The following FSTL5 variants were observed in gnomAD, a reference collection of about 807,000 sequenced individuals.
FSTL5 encodes the protein follistatin like 5.
FSTL5 carries 62 observed loss-of-function variants against 89.1 expected under a neutral mutation model. The observed-to-expected ratio is 0.70, with a 90% CI of 0.57 to 0.86. The LOEUF is 0.86. Among genes scored for constraint, FSTL5 ranks in the 40% least tolerant of loss-of-function variants. The pLI is 0.00. For missense variants in FSTL5, 1,057 were observed against 1,001.6 expected, an observed-to-expected ratio of 1.06 and a Z score of -0.75; for synonymous variants, 383 against 346.2, an observed-to-expected ratio of 1.11 and a Z score of -1.18.
At chr4:161,595,037 G>A (rs1458507494) in intron 7 of FSTL5, among the ~76,000 whole-genome samples, 1 of 148,124 alleles carries the variant, frequency 6.8e-6, no homozygotes, top group Non-Finnish European at 1.5e-5. Context: ...ATAGACTGCA[G>A]AATTTAGCTG....
intron 6 of FSTL5, among the ~76,000 whole-genome samples, chr4:161,723,788 C>A (rs543397414): frequency 6.6e-6 from 1 of 151,880 alleles, no homozygotes; most frequent in Admixed American, 6.6e-5. Flanking sequence ...AATTGAAGAA[C>A]GAAACCTTAA....
At chr4:162,096,202 T>G (rs1730745657) in intron 2 of FSTL5, among the ~76,000 whole-genome samples, 1 of 151,872 alleles carries the variant, frequency 6.6e-6, no homozygotes, top group Non-Finnish European at 1.5e-5. Context: ...TAAATATATA[T>G]TTCTTTGTTG....
intron 6 of FSTL5, among the ~76,000 whole-genome samples, chr4:161,666,267 T>C (rs1736890057): frequency 6.6e-6 from 1 of 152,164 alleles, no homozygotes; most frequent in Non-Finnish European, 1.5e-5. Flanking sequence ...AAGTGCTTTA[T>C]GAATTAGTCT....
intron 3 of FSTL5, among the ~76,000 whole-genome samples, chr4:161,944,281 C>T (rs1734675699): frequency 1.3e-5 from 2 of 151,824 alleles, no homozygotes; most frequent in African/African-American, 2.4e-5. Flanking sequence ...ATGTGAACTC[C>T]CAATGGTCTT....
At chr4:161,936,230 T>C (rs1386487274) in intron 3 of FSTL5, among the ~76,000 whole-genome samples, 3 of 152,146 alleles carry the variant, frequency 2.0e-5, no homozygotes, top group Non-Finnish European at 1.5e-5. Context: ...AAGAAAGCAA[T>C]GAAAGTTCTT....
At chr4:162,071,778 A>G (rs1729635527) in intron 2 of FSTL5, among the ~76,000 whole-genome samples, 1 of 151,856 alleles carries the variant, frequency 6.6e-6, no homozygotes, top group Admixed American at 6.6e-5. Flanking sequence ...TAAAAGATCA[A>G]AATTATATCA....
intron 2 of FSTL5, among the ~76,000 whole-genome samples, chr4:162,089,582 G>A (rs532662892): frequency 8.5e-4 from 120 of 141,526 alleles, no homozygotes; most frequent in Non-Finnish European, 1.6e-3. Context: ...GCAGTGAGCC[G>A]AGATTAAGCC....
chr4:162,007,307 T>C (rs950014978), intron 3 of FSTL5, among the ~76,000 whole-genome samples: 2 of 151,830 alleles, frequency 1.3e-5, no homozygotes, highest in Non-Finnish European at 3.0e-5. Context: ...CAGCATTTAT[T>C]TAGGTAGATG....
chr4:161,423,501 T>C (rs1732058931), intron 15 of FSTL5, among the ~76,000 whole-genome samples: 1 of 152,194 alleles, frequency 6.6e-6, no homozygotes, highest in African/African-American at 2.4e-5. Context: ...CTCTGATAAT[T>C]CTCTTATGCA....
At chr4:161,683,281 C>T (rs1156599265) in intron 6 of FSTL5, among the ~76,000 whole-genome samples, 5 of 150,352 alleles carry the variant, frequency 3.3e-5, no homozygotes, top group Admixed American at 1.3e-4. Flanking sequence ...TTTTTTGGCT[C>T]CATGGTAATC....
chr4:161,909,777 C>T (rs1733639077), intron 4 of FSTL5, among the ~76,000 whole-genome samples: 1 of 152,058 alleles, frequency 6.6e-6, no homozygotes, highest in Non-Finnish European at 1.5e-5. Context: ...TATTGGGTCT[C>T]ATCCTCTCTA....
At chr4:161,474,783 G>A (rs1321039870) in intron 13 of FSTL5, among the ~76,000 whole-genome samples, 1 of 152,080 alleles carries the variant, frequency 6.6e-6, no homozygotes, top group African/African-American at 2.4e-5. Context: ...CTGACCTCAT[G>A]ATCCACCCAC....
rs72987246 is a variant in FSTL5, at chr4:161,388,791, C to T, written c.1842-2342G>A. Among the ~76,000 whole-genome samples, 318 of 152,130 alleles carry T rather than the reference C, an allele frequency of 2.1e-3. 1 individual carries two copies. Among genetic ancestry groups the T allele is most frequent in the African/African-American group, 7.4e-3 (306 of 41,556 alleles). Reference sequence around the variant, plus strand: ...CCTTGAGTCTTCTAGTCCCTTTAGGCTAGATTTTCAAATGCTAATGAGGAA... The same window carrying T: ...CCTTGAGTCTTCTAGTCCCTTTAGGTTAGATTTTCAAATGCTAATGAGGAA... On this transcript the variant is annotated intron_variant, in intron 15 of 15. Coordinates refer to ENST00000306100, the MANE Select transcript of FSTL5 (RefSeq NM_020116.5).
At chr4:162,087,451 G>T (rs1579016475) in intron 2 of FSTL5, among the ~76,000 whole-genome samples, 1 of 151,974 alleles carries the variant, frequency 6.6e-6, no homozygotes, top group Admixed American at 6.6e-5. Context: ...AATGTACAGG[G>T]GTGAATATAT....
Position 161,812,879 on chromosome 4 carries a change from C to CAAAAAAAAAAAAAAAAAAAAAAAAAAAA in FSTL5, c.410-36833_410-36806dup, listed in dbSNP as rs35183730. On this transcript the variant is annotated intron_variant, in intron 4 of 15. Transcript: ENST00000306100. ...ATCCAAACAAGATCCTAAATCCCAG[C>CAAAAAAAAAAAAAAAAAAAAAAAAAAAA]AAAAAAAAAAAAAAAAAAAAAAAAA... Among the ~76,000 whole-genome samples the CAAAAAAAAAAAAAAAAAAAAAAAAAAAA allele has an allele frequency of 9.6e-5, 4 of 41,566 alleles. 1 individual carries two copies. Among genetic ancestry groups the CAAAAAAAAAAAAAAAAAAAAAAAAAAAA allele is most frequent in the Non-Finnish European group, 1.7e-4 (4 of 23,734 alleles). The allele number at this position is 41,566 out of a possible 152,430, so 27.3% of individuals were successfully genotyped here.
At chr4:161,603,455 G>A (rs1346434395) in intron 7 of FSTL5, among the ~76,000 whole-genome samples, 1 of 152,038 alleles carries the variant, frequency 6.6e-6, no homozygotes, top group African/African-American at 2.4e-5. Flanking sequence ...GAAAGGCCAC[G>A]TGCAAACACA....
At chr4:161,961,277 T>C (rs564915052) in intron 3 of FSTL5, among the ~76,000 whole-genome samples, 4 of 151,960 alleles carry the variant, frequency 2.6e-5, no homozygotes, top group Admixed American at 1.3e-4. Flanking sequence ...TTGCTAAGTT[T>C]TGTTTGTTTG....
chr4:161,510,555 A>T (rs1026992349), intron 10 of FSTL5, 131 bp from the exon 11 acceptor site: 5 of 504,856 alleles, frequency 9.9e-6, no homozygotes, highest in Non-Finnish European at 1.4e-5. Flanking sequence ...TAGTGAAGTT[A>T]ATTCAGTGAG....
chr4:161,554,164 T>G (rs556447233), intron 8 of FSTL5, among the ~76,000 whole-genome samples: 1 of 151,596 alleles, frequency 6.6e-6, no homozygotes, highest in Non-Finnish European at 1.5e-5. Flanking sequence ...TTCTGGAAAC[T>G]TTGGTGTTTA....
Sources: gnomAD v4.1 joint callset for allele counts (sites outside exome capture counted in the v4.1 genomes callset) on GRCh38, gnomAD v4.1.1 for gene constraint, MANE v1.5 for transcripts, NCBI Gene and HGNC (gene_info 2026-07-23, HGNC 2026-07-21) for gene names.